The following FHL2 variants were observed in gnomAD, a reference collection of about 807,000 sequenced individuals.
FHL2 encodes four and a half LIM domains 2, also known as four and a half LIM domains protein 2.
A neutral mutation model predicts 32.7 loss-of-function variants in FHL2; 20 were observed. That is an observed-to-expected ratio of 0.61 (90% CI 0.43 to 0.89). The LOEUF (loss-of-function observed/expected upper bound fraction) is 0.89, where lower values mean the gene tolerates loss of function less well. Among genes scored for constraint, FHL2 ranks in the 40% least tolerant of loss-of-function variants. FHL2 has a pLI of 0.00. For missense variants in FHL2, 311 were observed against 358.6 expected (o/e 0.87, Z 1.07); for synonymous variants, 123 against 128.1 (o/e 0.96, Z 0.27).
At chr2:105,394,765 C>T (rs1683007413) in intron 2 of FHL2, among the ~76,000 whole-genome samples, 1 of 151,896 alleles carries the variant, frequency 6.6e-6, no homozygotes, top group Middle Eastern at 3.2e-3. Flanking sequence ...TTTAATAAGC[C>T]TTTACTAAAT....
intron 4 of FHL2, among the ~76,000 whole-genome samples, chr2:105,369,399 G>C (rs573235326): frequency 2.0e-5 from 3 of 152,222 alleles, no homozygotes; most frequent in Non-Finnish European, 4.4e-5. Flanking sequence ...AATTAGGAAT[G>C]TGCTGAGAAT....
At chr2:105,395,216 G>C (rs186243943) in intron 2 of FHL2, among the ~76,000 whole-genome samples, 2 of 152,320 alleles carry the variant, frequency 1.3e-5, no homozygotes, top group African/African-American at 4.8e-5. Context: ...ATCAATTGCA[G>C]CCATGCAGGA....
chr2:105,384,270 C>T (rs1479307381), intron 3 of FHL2, among the ~76,000 whole-genome samples: 1 of 152,124 alleles, frequency 6.6e-6, no homozygotes, highest in Admixed American at 6.5e-5. Flanking sequence ...CTACTTCTTC[C>T]TCAAACTGGA....
intron 3 of FHL2, chr2:105,385,905 A>C (rs1376728248): frequency 4.3e-6 from 1 of 233,832 alleles, no homozygotes; most frequent in Non-Finnish European, 8.2e-6. Context: ...TCTTCCAAGG[A>C]CTTTGTGCTT....
chr2:105,370,031 C>T (rs1019474980), intron 4 of FHL2, among the ~76,000 whole-genome samples: 4 of 152,228 alleles, frequency 2.6e-5, no homozygotes, highest in African/African-American at 9.6e-5. Context: ...CCAAGTCTCC[C>T]GCAGGCGGAA....
chr2:105,399,166 C>A, upstream of FHL2: 1 of 1,388,484 alleles, frequency 7.2e-7, no homozygotes. Flanking sequence ...GCGGGCGCCC[C>A]CAGGCCTCGC....
At chr2:105,396,167 A>C (rs1438129306) in intron 2 of FHL2, among the ~76,000 whole-genome samples, 1 of 152,176 alleles carries the variant, frequency 6.6e-6, no homozygotes, top group Non-Finnish European at 1.5e-5. Context: ...GTACATAGAG[A>C]GATTTATCGC....
At chr2:105,386,207 G>A (rs1246680648) in intron 3 of FHL2, 154 bp downstream of exon 3, 8 of 743,260 alleles carry the variant, frequency 1.1e-5, no homozygotes, top group Non-Finnish European at 1.7e-5. Context: ...CTAGAGGGAA[G>A]AAGCTTCCGA....
chr2:105,385,405 C>T (rs1447427552), intron 3 of FHL2, among the ~76,000 whole-genome samples: 1 of 152,172 alleles, frequency 6.6e-6, no homozygotes, highest in Non-Finnish European at 1.5e-5. Flanking sequence ...AATCAGTCAG[C>T]GGCAATGTGC....
intron 1 of FHL2, among the ~76,000 whole-genome samples, chr2:105,408,499 C>CT (rs1166776155): frequency 1.3e-5 from 2 of 152,216 alleles, no homozygotes; most frequent in African/African-American, 4.8e-5. Flanking sequence ...CCTTCACAGC[C>CT]TTCCCTTACG....
At position 105,414,845 on chromosome 2, in the gene FHL2, G is replaced by A. The variant is rs184487109; in HGVS notation, c.-25+23554C>T. 1.9e-3 allele frequency among the ~76,000 whole-genome samples: 289 copies of A among 152,302 alleles called. 1 individual carries two copies. The highest frequency in any genetic ancestry group is 1.8e-3 in the Non-Finnish European group (121 of 68,022). On this transcript the variant is annotated intron_variant, in intron 1 of 5. Transcript: ENST00000393352. ...TAAGATTACAAGTGTGAGCCACTGTGCCTGGCCAGATTTAAAGGATTTTAG... is the reference window on the plus strand; with the variant it reads ...TAAGATTACAAGTGTGAGCCACTGTACCTGGCCAGATTTAAAGGATTTTAG...
At position 105,363,142 on chromosome 2, in the gene FHL2, C is replaced by CAGAT. The variant is rs140177501; in HGVS notation, c.688+139_688+142dup. On this transcript the variant is annotated intron_variant, in intron 6 of 6. Coordinates refer to ENST00000530340, the MANE Select transcript of FHL2 (RefSeq NM_001318895.3). ...AGCCAGTGCACCAAGGAGAGGAAAGCAGATAGGCAGAAAAGTCTGCTGTGT... is the reference window on the plus strand; with the variant it reads ...AGCCAGTGCACCAAGGAGAGGAAAGCAGATAGATAGGCAGAAAAGTCTGCTGTGT... 0.051 allele frequency: 35,912 copies of CAGAT among 703,248 alleles called. 1,096 individuals are homozygous for CAGAT. Among genetic ancestry groups the CAGAT allele is most frequent in the Middle Eastern group, 0.1 (399 of 3,988 alleles). The allele number at this position is 703,248 out of a possible 1,614,324, so 43.6% of individuals were successfully genotyped here.
chr2:105,399,542 C>T (rs1044550427), upstream of FHL2: 23 of 1,536,044 alleles, frequency 1.5e-5, no homozygotes, highest in Non-Finnish European at 1.9e-5. Flanking sequence ...CCACAGATGA[C>T]CATAAAGAAT....
intron 1 of FHL2, among the ~76,000 whole-genome samples, chr2:105,433,559 T>C (rs954807488): frequency 1.3e-5 from 2 of 152,182 alleles, no homozygotes; most frequent in African/African-American, 2.4e-5. Flanking sequence ...AAACTGGCAT[T>C]GCACTGCTTG....
chr2:105,359,949 G>C (rs1680149169), downstream of FHL2: 1 of 152,168 alleles, frequency 6.6e-6, no homozygotes, highest in Non-Finnish European at 1.5e-5. Context: ...TGGCTTCACT[G>C]TCAGTTTATG....
intron 1 of FHL2, among the ~76,000 whole-genome samples, chr2:105,412,235 G>A (rs939850323): frequency 6.6e-6 from 1 of 152,168 alleles, no homozygotes; most frequent in African/African-American, 2.4e-5. Flanking sequence ...CCATACAATG[G>A]AATCTTATTC....
At chr2:105,431,109 A>G (rs976562537) in intron 1 of FHL2, among the ~76,000 whole-genome samples, 4 of 152,194 alleles carry the variant, frequency 2.6e-5, no homozygotes, top group African/African-American at 9.6e-5. Context: ...AGAGTTTTAT[A>G]ACATTTCCCC....
At chr2:105,420,902 G>A (rs1049506317) in intron 1 of FHL2, among the ~76,000 whole-genome samples, 3 of 152,210 alleles carry the variant, frequency 2.0e-5, no homozygotes, top group Non-Finnish European at 4.4e-5. Context: ...CCTGCTGTGT[G>A]GCTGGGTTCC....
intron 4 of FHL2, among the ~76,000 whole-genome samples, chr2:105,370,447 T>A (rs150002509): frequency 1.7e-3 from 259 of 151,972 alleles, no homozygotes; most frequent in Non-Finnish European, 2.9e-3. Flanking sequence ...TACTTGAGTC[T>A]GCTCAGAGGC....
Sources: gnomAD v4.1 joint callset for allele counts (sites outside exome capture counted in the v4.1 genomes callset) on GRCh38, gnomAD v4.1.1 for gene constraint, MANE v1.5 for transcripts, NCBI Gene and HGNC (gene_info 2026-07-23, HGNC 2026-07-21) for gene names.